GLRA1: variants seen among roughly 807,000 people sequenced by gnomAD.
The protein encoded by GLRA1 is glycine receptor alpha 1.
A neutral mutation model predicts 48.3 loss-of-function variants in GLRA1; 37 were observed. The observed-to-expected ratio is 0.77, with a 90% CI of 0.59 to 1.01. The LOEUF is 1.01. Ranked by LOEUF, GLRA1 falls within the 50% of genes least tolerant of loss-of-function variation. The probability of loss-of-function intolerance (pLI) is 0.00; values close to 1 mark genes in which losing one functional copy is unlikely to be tolerated. For synonymous variants in GLRA1, 196 were observed against 210.7 expected (o/e 0.93, Z 0.60); for missense variants, 427 against 571.0 (o/e 0.75, Z 2.57).
At chr5:151,838,010 C>T (rs928932122) in intron 7 of GLRA1, among the ~76,000 whole-genome samples, 1 of 152,054 alleles carries the variant, frequency 6.6e-6, no homozygotes, top group Non-Finnish European at 1.5e-5. Flanking sequence ...GAAAGTATGG[C>T]TCATACATAG....
intron 3 of GLRA1, among the ~76,000 whole-genome samples, chr5:151,863,151 CCAG>C (rs1436069844): frequency 3.3e-5 from 5 of 152,112 alleles, no homozygotes; most frequent in Non-Finnish European, 5.9e-5. Context: ...GCCTGTAATC[CCAG>C]CATGTTGGGA....
intron 7 of GLRA1, among the ~76,000 whole-genome samples, chr5:151,838,979 TCTC>T (rs1038268899): frequency 6.6e-6 from 1 of 152,056 alleles, no homozygotes; most frequent in Non-Finnish European, 1.5e-5. Flanking sequence ...TTCAAGAAAT[TCTC>T]CTGCAAAGGC....
At chr5:151,866,863 G>T (rs895945643) in intron 3 of GLRA1, among the ~76,000 whole-genome samples, 2 of 152,106 alleles carry the variant, frequency 1.3e-5, no homozygotes, top group Non-Finnish European at 2.9e-5. Context: ...CAGCACTTTG[G>T]GAGGCCAAAA....
At chr5:151,878,451 T>C (rs1753679870) in intron 3 of GLRA1, among the ~76,000 whole-genome samples, 1 of 152,216 alleles carries the variant, frequency 6.6e-6, no homozygotes, top group East Asian at 1.9e-4. Context: ...TGAAGCCAGC[T>C]GAAGAAATTT....
chr5:151,887,440 A>G (rs1753936457), intron 2 of GLRA1, among the ~76,000 whole-genome samples: 1 of 152,192 alleles, frequency 6.6e-6, no homozygotes, highest in Non-Finnish European at 1.5e-5. Context: ...TAATTATAGC[A>G]GTTGCCATTT....
At chr5:151,908,918 AT>A (rs1198425921) in intron 1 of GLRA1, among the ~76,000 whole-genome samples, 1 of 152,094 alleles carries the variant, frequency 6.6e-6, no homozygotes, top group Non-Finnish European at 1.5e-5. Context: ...CTTTCTCCAT[AT>A]GAAGACTTTG....
intron 1 of GLRA1, among the ~76,000 whole-genome samples, chr5:151,906,766 C>G (rs553447822): frequency 6.6e-6 from 1 of 152,200 alleles, no homozygotes; most frequent in Admixed American, 6.5e-5. Flanking sequence ...GCAGAAGTGA[C>G]TTGGTTGAGA....
chr5:151,877,939 A>G (rs2913892), intron 3 of GLRA1, among the ~76,000 whole-genome samples: 84,131 of 152,046 alleles, frequency 0.55, 23,745 homozygotes, highest in East Asian at 0.69. Context: ...GCAATGCTGA[A>G]AACATACTTG....
chr5:151,901,833 A>G (rs1404922302), intron 1 of GLRA1, among the ~76,000 whole-genome samples: 3 of 152,206 alleles, frequency 2.0e-5, no homozygotes, highest in Non-Finnish European at 4.4e-5. Flanking sequence ...TGAAGATGAC[A>G]TCATTATCCC....
chr5:151,829,016 CAAAG>C lies in GLRA1; in HGVS notation c.960_963del (p.Phe321CysfsTer6). The C allele has an allele frequency of 1.2e-6, 2 of 1,614,094 alleles. No homozygotes were observed. Among genetic ancestry groups the C allele is most frequent in the Non-Finnish European group, 8.5e-7 (1 of 1,179,956 alleles). ...GCATATTCTAATAGGGCTGAGAACA[CAAAG>C]AGCAGGCAAACTGCCATCCAAATGT... On this transcript the variant is annotated frameshift_variant, in exon 8 of 9. Transcript: ENST00000274576. LOFTEE classifies it high-confidence loss of function.
rs74294721 is a variant in GLRA1 at position 151,911,897 on chromosome 5, C to T, written c.56+12597G>A. On this transcript the variant is annotated intron_variant, in intron 1 of 8. Transcript: ENST00000274576. The stretch of plus-strand genomic sequence containing the variant: ...TGCTGGAATTACAGGCGTGAGCCAC[C>T]GCGCCCGGCCCCAAGCTAGAGTTTT... Among the ~76,000 whole-genome samples, 319 of 151,728 alleles carry T rather than the reference C, an allele frequency of 2.1e-3. 2 individuals carry two copies. In the East Asian group the frequency reaches 0.021, roughly 10 times the overall value.
At chr5:151,907,714 T>G (rs1357092869) in intron 1 of GLRA1, among the ~76,000 whole-genome samples, 2 of 152,220 alleles carry the variant, frequency 1.3e-5, no homozygotes, top group Non-Finnish European at 2.9e-5. Flanking sequence ...TGTGAAAAGA[T>G]TAGCTGATAG....
intron 3 of GLRA1, among the ~76,000 whole-genome samples, chr5:151,860,972 C>T (rs914105123): frequency 2.2e-4 from 34 of 152,102 alleles, no homozygotes; most frequent in Non-Finnish European, 4.7e-4. Context: ...TGAGAACATG[C>T]GGTGTTTGGT....
intron 7 of GLRA1, among the ~76,000 whole-genome samples, chr5:151,833,189 A>G (rs1391161398): frequency 1.3e-5 from 2 of 152,234 alleles, no homozygotes; most frequent in Admixed American, 6.5e-5. Context: ...CAGCCACTGC[A>G]AAAACATGCC....
At chr5:151,834,264 TAACA>T (rs1277627938) in intron 7 of GLRA1, among the ~76,000 whole-genome samples, 3 of 152,174 alleles carry the variant, frequency 2.0e-5, no homozygotes, top group Admixed American at 6.5e-5. Context: ...ATGGAAATCA[TAACA>T]AACAGTCTCT....
At chr5:151,873,706 A>C (rs1753551404) in intron 3 of GLRA1, among the ~76,000 whole-genome samples, 1 of 151,836 alleles carries the variant, frequency 6.6e-6, no homozygotes, top group Non-Finnish European at 1.5e-5. Context: ...AATTGAACTA[A>C]GGTGGGACTG....
chr5:151,922,108 A>G (rs1398393427), intron 1 of GLRA1, among the ~76,000 whole-genome samples: 1 of 152,166 alleles, frequency 6.6e-6, no homozygotes, highest in Admixed American at 6.5e-5. Context: ...CGATTTCCCC[A>G]ACAAGGTGAG....
chr5:151,857,924 G>T (rs1753091652), intron 4 of GLRA1, among the ~76,000 whole-genome samples: 1 of 152,214 alleles, frequency 6.6e-6, no homozygotes, highest in South Asian at 2.1e-4. Context: ...AGAGGGATAG[G>T]TTGAGAGTCA....
At chr5:151,841,207 CAAT>C (rs758731408) in intron 7 of GLRA1, among the ~76,000 whole-genome samples, 2 of 151,798 alleles carry the variant, frequency 1.3e-5, no homozygotes, top group Non-Finnish European at 2.9e-5. Flanking sequence ...TATTAAAAAT[CAAT>C]AACCAAAAGA....
Sources: gnomAD v4.1 joint callset for allele counts (sites outside exome capture counted in the v4.1 genomes callset) on GRCh38, gnomAD v4.1.1 for gene constraint, MANE v1.5 for transcripts, NCBI Gene and HGNC (gene_info 2026-07-23, HGNC 2026-07-21) for gene names.